The following LZTR1 variants were observed in gnomAD, a reference collection of about 807,000 sequenced individuals.
LZTR1 encodes leucine-zipper-like transcriptional regulator 1.
In LZTR1, 260 loss-of-function variants were observed where a neutral mutation model predicts 105.7. That is an observed-to-expected ratio of 2.46 (90% CI 2.22 to 2.72). LZTR1 has a LOEUF of 2.72. LZTR1 is among the 30% of genes most tolerant of loss of function. LZTR1 has a pLI of 0.00. For missense variants in LZTR1, 1,214 were observed against 1,166.9 expected, an observed-to-expected ratio of 1.04 and a Z score of -0.59; for synonymous variants, 490 against 476.4, an observed-to-expected ratio of 1.03 and a Z score of -0.37.
Position 20,991,678 on chromosome 22 carries a change from C to G in LZTR1, c.842C>G (p.Pro281Arg). 1 of 1,604,000 alleles carries G rather than the reference C, an allele frequency of 6.2e-7. No individual in the cohort carries two copies. Among genetic ancestry groups the G allele is most frequent in the Non-Finnish European group, 8.5e-7 (1 of 1,177,388 alleles). ...EHLLRGSPPP[P>R]QRRYGHTMVA... ...CTGCTCCGGGGCTCCCCACCACCCC[C>G]GCAGCGGCGCTACGGGCATACCATG... is the stretch of plus-strand genomic sequence containing the variant. Residue 281 changes from proline (P) to arginine (R), a missense_variant, in exon 9 of 21, where the codon CCG (proline) becomes CGG (arginine). Transcript: ENST00000646124.
intron 2 of LZTR1, 104 bp downstream of exon 2, chr22:20,983,193 G>A (rs1042344014): frequency 1.0e-6 from 1 of 994,910 alleles, no homozygotes; most frequent in Non-Finnish European, 1.6e-6. Context: ...ATGCTAGCTG[G>A]TGCCTCTAAG....
At position 20,997,207 on chromosome 22, in the gene LZTR1, T is replaced by A. The variant is rs1340091089; in HGVS notation, c.2407-25T>A. ...GCCCTTAGGTGGATCTGGTCCCATC[T>A]CCTTCCGGCCTGCTTGCCTTACAGG... On this transcript the variant is annotated intron_variant, in intron 20 of 20. Coordinates refer to ENST00000646124, the MANE Select transcript of LZTR1 (RefSeq NM_006767.4). The A allele has an allele frequency of 5.3e-6, 8 of 1,510,990 alleles. 1 individual carries two copies. In the South Asian group the frequency reaches 9.0e-5, roughly 17 times the overall value. 93.6% of individuals were successfully genotyped at this position (1,510,990 alleles called of 1,614,324 possible).
rs1381000992 is a variant in LZTR1, at chr22:20,992,811, C to T, written c.1167C>T (p.Leu389=). The change falls in exon 11 of 21, where the codon CTC becomes CTT. Residue 389 remains leucine, a synonymous_variant. Coordinates refer to ENST00000646124, the MANE Select transcript of LZTR1 (RefSeq NM_006767.4). ...TCCCCCAGCTGCCCAGTGGGAGGCTCTTCCACGCGGCTGCTGTCATCTCGG... is the reference window on the plus strand; with the variant it reads ...TCCCCCAGCTGCCCAGTGGGAGGCTTTTCCACGCGGCTGCTGTCATCTCGG... ...QPASELPSGR[L]FHAAAVISDA... 16 of 1,601,416 alleles carry T rather than the reference C, an allele frequency of 1.0e-5. No homozygotes were observed. The highest frequency in any genetic ancestry group is 1.3e-5 in the African/African-American group (1 of 74,710).
At position 20,992,779 on chromosome 22, in the gene LZTR1, C is replaced by T; in HGVS notation, c.1150-15C>T. 2.6e-6 allele frequency: 4 copies of T among 1,530,558 alleles called. No homozygotes were observed. The highest frequency in any genetic ancestry group is 3.6e-6 in the Non-Finnish European group (4 of 1,119,776). 94.8% of individuals were successfully genotyped at this position (1,530,558 alleles called of 1,614,324 possible). On this transcript the variant is annotated splice_polypyrimidine_tract_variant and intron_variant, in intron 10 of 20. Transcript: ENST00000646124. ...CTGCTCCCCCACCATTCCACCCTGC[C>T]TTCTTGTCCCCCAGCTGCCCAGTGG...
rs1924955496 is a variant in LZTR1 at position 20,998,321 on chromosome 22, AGGCCTGGGGTG to A, written c.*977_*987del. 6.6e-6 allele frequency: 1 copy of A among 152,326 alleles called. No individual in the cohort carries two copies. The highest frequency in any genetic ancestry group is 1.5e-5 in the Non-Finnish European group (1 of 68,142). The allele number at this position is 152,326 out of a possible 1,614,324, so 9.4% of individuals were successfully genotyped here. ...CTGGCCCCTTCCAGGGGAATCCTGG[AGGCCTGGGGTG>A]GGCTCCTGCCCCTTCTGCCCTGCCT... On this transcript the variant is annotated 3_prime_UTR_variant, in exon 21 of 21. Transcript: ENST00000646124.
Position 20,984,713 on chromosome 22 carries a change from C to G in LZTR1, c.264-1128C>G, listed in dbSNP as rs552866892. Among the ~76,000 whole-genome samples, 4 of 151,978 alleles carry G rather than the reference C, an allele frequency of 2.6e-5. No homozygotes were observed. The East Asian group carries it at 7.8e-4, about 30-fold the overall frequency. On this transcript the variant is annotated intron_variant, in intron 2 of 20. Coordinates refer to ENST00000646124, the MANE Select transcript of LZTR1 (RefSeq NM_006767.4). ...GCCTTTGAGCCACTAGGCTTTGTTG[C>G]CATCTGTGAAATGGAGGTGAGAGAG...
intron 2 of LZTR1, 65 bp downstream of exon 2, chr22:20,983,154 C>A (rs1924261782): frequency 1.4e-6 from 2 of 1,391,184 alleles, no homozygotes; most frequent in Non-Finnish European, 2.0e-6. Context: ...AGGGACTGGG[C>A]CTGTCCAGCT....
intron 2 of LZTR1, among the ~76,000 whole-genome samples, chr22:20,985,396 A>T (rs1601715503): frequency 6.6e-6 from 1 of 151,288 alleles, no homozygotes; most frequent in Non-Finnish European, 1.5e-5. Context: ...AAGTGGCAGG[A>T]AGATCAGAGA....
chr22:20,996,701 T>A lies in LZTR1; in HGVS notation c.2225T>A (p.Leu742Ter). Residue 742 changes from leucine to a stop codon, truncating the protein, a stop_gained, in exon 19 of 21, where the codon TTG becomes TAG. Coordinates refer to ENST00000646124, the MANE Select transcript of LZTR1 (RefSeq NM_006767.4). LOFTEE classifies it high-confidence loss of function. The stretch of plus-strand genomic sequence containing the variant: ...GCTCCTTAACCAGGCCCCAGCTACT[T>A]GTTTGCGGCCCCCTACTACTACGGC... ...VNMPPEDSLY[L>*]FAAPYYYGFY... is the part of the protein sequence containing the mutation. 1 of 1,613,440 alleles carries A rather than the reference T, an allele frequency of 6.2e-7. No individual in the cohort carries two copies. Among genetic ancestry groups the A allele is most frequent in the Non-Finnish European group, 8.5e-7 (1 of 1,179,894 alleles).
At chr22:20,985,069 T>TC (rs898221568) in intron 2 of LZTR1, among the ~76,000 whole-genome samples, 1 of 149,060 alleles carries the variant, frequency 6.7e-6, no homozygotes, top group Non-Finnish European at 1.5e-5. Context: ...ATTTTTTTTT[T>TC]TTTTTTTTTG....
At chr22:20,984,617 G>T (rs939609602) in intron 2 of LZTR1, among the ~76,000 whole-genome samples, 9 of 144,500 alleles carry the variant, frequency 6.2e-5, no homozygotes, top group Non-Finnish European at 9.0e-5. Context: ...GTAAGGAGGG[G>T]GGGGGGGCGG....
intron 2 of LZTR1, 173 bp downstream of exon 2, chr22:20,983,262 T>G (rs1303618066): frequency 1.6e-6 from 1 of 638,556 alleles, no homozygotes; most frequent in Non-Finnish European, 2.8e-6. Context: ...TGGTGAGGAT[T>G]AAATGAGATC....
In LZTR1 at chr22:20,997,380, C is replaced by A; in HGVS notation, c.*32C>A. The A allele has an allele frequency of 6.7e-7, 1 of 1,495,164 alleles. No homozygotes were observed. Among genetic ancestry groups the A allele is most frequent in the Non-Finnish European group, 9.3e-7 (1 of 1,072,660 alleles). The allele number at this position is 1,495,164 out of a possible 1,614,324, so 92.6% of individuals were successfully genotyped here. ...GTGGCGCCTGCCCATTGTGAAGAAT[C>A]GCCGTGCCTGCCTGCCCTGCCTACT... On this transcript the variant is annotated 3_prime_UTR_variant, in exon 21 of 21. Transcript: ENST00000646124.
In LZTR1 at chr22:20,987,492, T is replaced by C. The variant is rs1476147640; in HGVS notation, c.321-12T>C. On this transcript the variant is annotated splice_polypyrimidine_tract_variant and intron_variant, in intron 3 of 20. Transcript: ENST00000646124. ...CCCCCGCTGACTCTCACCACCCCTG[T>C]GCCCACCCCAGGGCCTTTACCACTG... 4.4e-6 allele frequency: 7 copies of C among 1,576,580 alleles called. No homozygotes were observed. In the Admixed American group the frequency reaches 6.7e-5, roughly 15 times the overall value.
intron 2 of LZTR1, among the ~76,000 whole-genome samples, chr22:20,984,649 C>T (rs1484572382): frequency 1.3e-5 from 2 of 150,612 alleles, no homozygotes; most frequent in Non-Finnish European, 2.9e-5. Flanking sequence ...CCACCAGCTT[C>T]TAGGCTCCTG....
At chr22:20,987,888 G>A (rs1924452932) in intron 4 of LZTR1, 122 bp from the exon 5 acceptor site, 7 of 688,292 alleles carry the variant, frequency 1.0e-5, no homozygotes, top group Middle Eastern at 2.8e-4. Flanking sequence ...TCGTTCCGGG[G>A]CTTGTGGAAG....
chr22:20,993,050 G>A, intron 11 of LZTR1, 146 bp downstream of exon 11: 1 of 631,316 alleles, frequency 1.6e-6, no homozygotes, highest in Non-Finnish European at 2.8e-6. Context: ...GAGCCCTGTG[G>A]GCTGAGGGTG....
intron 14 of LZTR1, 112 bp downstream of exon 14, chr22:20,994,381 A>C (rs772194532): frequency 7.5e-7 from 1 of 1,334,358 alleles, no homozygotes; most frequent in Admixed American, 2.1e-5. Flanking sequence ...TGAGGCTCAG[A>C]GGCTGCAGGT....
rs563744807 is a variant in LZTR1 at position 20,990,113 on chromosome 22, TA to T, written c.652-265del. Among the ~76,000 whole-genome samples the T allele has an allele frequency of 6.9e-3, 1,053 of 152,048 alleles. 12 individuals carry two copies. Among genetic ancestry groups the T allele is most frequent in the African/African-American group, 0.023 (952 of 41,456 alleles). ...ACATGGAATTTATTTATTTATTCATTAAAAAAAATTGTTTTTCAGTCTTCTG... is the reference window on the plus strand; with the variant it reads ...ACATGGAATTTATTTATTTATTCATTAAAAAAATTGTTTTTCAGTCTTCTG... On this transcript the variant is annotated intron_variant, in intron 7 of 20. Transcript: ENST00000646124.
Sources: allele counts gnomAD v4.1 joint callset (sites outside exome capture counted in the v4.1 genomes callset), GRCh38; gene constraint gnomAD v4.1.1; transcripts MANE v1.5; gene names NCBI Gene and HGNC (gene_info 2026-07-23, HGNC 2026-07-21).